Variants in GAD1 observed in about 807,000 individuals in gnomAD.
GAD1 encodes the protein glutamate decarboxylase 1.
In GAD1, 35 loss-of-function variants were observed where a neutral mutation model predicts 75.2. That is an observed-to-expected ratio of 0.47 (90% CI 0.36 to 0.62). The LOEUF is 0.62. Among genes scored for constraint, GAD1 ranks in the 20% least tolerant of loss-of-function variants. GAD1 has a pLI of 0.00. For missense variants in GAD1, 490 were observed against 758.5 expected, an observed-to-expected ratio of 0.65 and a Z score of 4.16; for synonymous variants, 257 against 271.9, an observed-to-expected ratio of 0.95 and a Z score of 0.54.
chr2:170,854,793 G>C (rs868375604), intron 14 of GAD1, among the ~76,000 whole-genome samples: 36 of 152,130 alleles, frequency 2.4e-4, no homozygotes, highest in African/African-American at 8.2e-4. Context: ...ATTGTTTGTA[G>C]TTAATACACC....
Position 170,829,350 on chromosome 2 carries a change from C to T in GAD1, c.146-125C>T, listed in dbSNP as rs1702161146. 1.2e-5 allele frequency: 13 copies of T among 1,125,430 alleles called. No individual in the cohort carries two copies. In the Admixed American group the frequency reaches 1.9e-4, roughly 17 times the overall value. The allele number at this position is 1,125,430 out of a possible 1,614,324, so 69.7% of individuals were successfully genotyped here. A position where few individuals can be genotyped will look rare whatever the true frequency, so the allele number is the denominator to read the frequency against. ...TGCCAGAGCCACTGTATTTAAAACA[C>T]AGACACTCACTTCTTTTCTCAGGAG... On this transcript the variant is annotated intron_variant, in intron 3 of 16. Transcript: ENST00000358196.
At chr2:170,822,981 A>G (rs1403129953) in intron 3 of GAD1, among the ~76,000 whole-genome samples, 1 of 152,222 alleles carries the variant, frequency 6.6e-6, no homozygotes, top group Non-Finnish European at 1.5e-5. Flanking sequence ...CGCCCAAAGG[A>G]TGTAATTTTT....
chr2:170,837,834 A>C (rs1288016312), intron 6 of GAD1, among the ~76,000 whole-genome samples: 1 of 152,250 alleles, frequency 6.6e-6, no homozygotes, highest in African/African-American at 2.4e-5. Context: ...ATTCCAAAAA[A>C]TGAATTTAGG....
chr2:170,843,612 C>A lies in GAD1; in HGVS notation c.639-433C>A, dbSNP rs143392377. 1.3e-3 allele frequency among the ~76,000 whole-genome samples: 192 copies of A among 144,840 alleles called. 3 individuals are homozygous for A. The East Asian group carries it at 0.03, about 23-fold the overall frequency. On this transcript the variant is annotated intron_variant, in intron 6 of 16. Transcript: ENST00000358196. The stretch of plus-strand genomic sequence containing the variant: ...ATATATTCTACAAGTGTGAAACTGG[C>A]AGTCAGCTTTTTTTTTTTTTTTTTT...
rs573585778 is a variant in GAD1, at chr2:170,818,092, C to G, written c.-63-437C>G. On this transcript the variant is annotated intron_variant, in intron 1 of 16. Transcript: ENST00000358196. The surrounding 1 kb of genome is among the most constrained non-coding windows in gnomAD (Gnocchi z 5.9). The stretch of plus-strand genomic sequence containing the variant: ...ATGCCCGCCCCGTGCGCCCTCCCCC[C>G]GCTGGCCCACACGCCGGCTGCTGAG... 1.1e-4 allele frequency: 19 copies of G among 170,756 alleles called. No homozygotes were observed. The highest frequency in any genetic ancestry group is 4.0e-4 in the Admixed American group (7 of 17,480). The allele number at this position is 170,756 out of a possible 1,614,324, so 10.6% of individuals were successfully genotyped here.
At position 170,853,577 on chromosome 2, in the gene GAD1, G is replaced by A. The variant is rs972539955; in HGVS notation, c.1264-296G>A. ...CTCTAACCCTGGCCCACTGAATGCCGTAGCACTTCCCAATCTTGAAACAAT... is the reference window on the plus strand; with the variant it reads ...CTCTAACCCTGGCCCACTGAATGCCATAGCACTTCCCAATCTTGAAACAAT... On this transcript the variant is annotated intron_variant, in intron 13 of 16. Transcript: ENST00000358196. The surrounding 1 kb of genome is among the most constrained non-coding windows in gnomAD (Gnocchi z 4.1). The A allele has an allele frequency of 6.4e-5, 24 of 377,824 alleles. No homozygotes were observed. Among genetic ancestry groups the A allele is most frequent in the Admixed American group, 1.1e-4 (3 of 27,244 alleles). The allele number at this position is 377,824 out of a possible 1,614,324, so 23.4% of individuals were successfully genotyped here.
At chr2:170,830,430 C>T (rs1702191882) in intron 4 of GAD1, among the ~76,000 whole-genome samples, 1 of 152,254 alleles carries the variant, frequency 6.6e-6, no homozygotes, top group African/African-American at 2.4e-5. Context: ...GCAGGGGTTC[C>T]CTGTCCCACC....
At chr2:170,841,014 C>T (rs1046543104) in intron 6 of GAD1, among the ~76,000 whole-genome samples, 3 of 152,134 alleles carry the variant, frequency 2.0e-5, no homozygotes, top group African/African-American at 4.8e-5. Context: ...CTTCCCTACT[C>T]GGAATATAGA....
At chr2:170,849,256 C>T in intron 11 of GAD1, 30 bp from the exon 12 acceptor site, 3 of 1,602,284 alleles carry the variant, frequency 1.9e-6, no homozygotes, top group Non-Finnish European at 2.6e-6. Context: ...TCACTGCTCC[C>T]CTCTTCCTCT....
At chr2:170,814,578 C>T (rs888626590), upstream of GAD1, among the ~76,000 whole-genome samples, 1 of 152,154 alleles carries the variant, frequency 6.6e-6, no homozygotes, top group African/African-American at 2.4e-5. Context: ...TAATATAAAC[C>T]GCAGGGACAA....
intron 5 of GAD1, among the ~76,000 whole-genome samples, chr2:170,834,605 T>A (rs1702323981): frequency 6.6e-6 from 1 of 152,138 alleles, no homozygotes. Context: ...TTATGGAAAA[T>A]TTTAAACTTA....
intron 5 of GAD1, among the ~76,000 whole-genome samples, chr2:170,834,612 C>T (rs1180846262): frequency 1.3e-5 from 2 of 152,138 alleles, no homozygotes; most frequent in Non-Finnish European, 2.9e-5. Flanking sequence ...AAATTTTAAA[C>T]TTATACAAAA....
intron 14 of GAD1, among the ~76,000 whole-genome samples, chr2:170,856,394 G>A (rs1391302819): frequency 6.6e-6 from 1 of 152,230 alleles, no homozygotes; most frequent in Non-Finnish European, 1.5e-5. Flanking sequence ...TATGTGGAAG[G>A]TTGCCTGCCT....
chr2:170,818,443 G>A lies in GAD1; in HGVS notation c.-63-86G>A, dbSNP rs1014758035. ...CTCTCCAGAGCCGGATCTTCAAGGG[G>A]AGCCTCCGTGCCCCCGGCTGCTCAG... On this transcript the variant is annotated intron_variant, in intron 1 of 16. Coordinates refer to ENST00000358196, the MANE Select transcript of GAD1 (RefSeq NM_000817.3). This position sits in a 1 kb window ranked among gnomAD's most constrained non-coding sequence, Gnocchi z 5.9. The A allele has an allele frequency of 1.3e-6, 1 of 755,484 alleles. No homozygotes were observed. The highest frequency in any genetic ancestry group is 2.4e-6 in the Non-Finnish European group (1 of 416,598). The allele number at this position is 755,484 out of a possible 1,614,324, so 46.8% of individuals were successfully genotyped here. A position where few individuals can be genotyped will look rare whatever the true frequency, so the allele number is the denominator to read the frequency against.
chr2:170,847,594 T>TA (rs1702660345), intron 10 of GAD1, 82 bp from the exon 11 acceptor site: 3 of 942,686 alleles, frequency 3.2e-6, no homozygotes, highest in Non-Finnish European at 5.3e-6. Context: ...AAATAAATGT[T>TA]ACACAATTCT....
chr2:170,837,499 A>G (rs923004560), intron 6 of GAD1, among the ~76,000 whole-genome samples: 8 of 152,244 alleles, frequency 5.3e-5, no homozygotes, highest in African/African-American at 1.9e-4. Context: ...GGTATGGGGT[A>G]GAAGTACTAC....
rs16858977 is a variant in GAD1, at chr2:170,845,254, C to G, written c.752-252C>G. 0.32 allele frequency: 172,540 copies of G among 547,186 alleles called. 28,562 individuals are homozygous for G. The highest frequency in any genetic ancestry group is 0.49 in the East Asian group (14,927 of 30,414). The allele number at this position is 547,186 out of a possible 1,614,324, so 33.9% of individuals were successfully genotyped here. The stretch of plus-strand genomic sequence containing the variant: ...TTCTGTCTAGACTTCAGGTGGAAAG[C>G]GCACTGAAGTACACGAATCACCTCC... On this transcript the variant is annotated intron_variant, in intron 7 of 16. Transcript: ENST00000358196.
intron 3 of GAD1, among the ~76,000 whole-genome samples, chr2:170,827,339 G>T (rs1224661344): frequency 1.3e-5 from 2 of 152,234 alleles, no homozygotes; most frequent in East Asian, 3.8e-4. Context: ...GGTATTTACA[G>T]AAACAGCTTT....
In GAD1 at chr2:170,844,116, T is replaced by C. The variant is rs548295575; in HGVS notation, c.710T>C (p.Val237Ala). 4.7e-5 allele frequency: 76 copies of C among 1,610,300 alleles called. No individual in the cohort carries two copies. The highest frequency in any genetic ancestry group is 5.9e-5 in the Non-Finnish European group (69 of 1,176,592). The change falls in exon 7 of 17, where the codon GTT (valine) becomes GCT (alanine). Residue 237 changes from valine to alanine, a missense_variant. By Grantham distance (64) the Val-to-Ala change is moderately conservative. Coordinates refer to ENST00000358196, the MANE Select transcript of GAD1 (RefSeq NM_000817.3). ...ACACTTAAGAAGATGAGAGAGATAG[T>C]TGGATGGTCAAGTAAAGATGGTGAT... Reference protein sequence around the residue: ...QITLKKMREIVGWSSKDGDGI... With the variant: ...QITLKKMREIAGWSSKDGDGI...
Sources: allele counts gnomAD v4.1 joint callset (sites outside exome capture counted in the v4.1 genomes callset), GRCh38; gene constraint gnomAD v4.1.1; non-coding constraint Gnocchi (gnomAD v3.1); transcripts MANE v1.5; gene names NCBI Gene and HGNC (gene_info 2026-07-23, HGNC 2026-07-21).